Variants in KLHL28 observed in about 807,000 individuals in gnomAD.
KLHL28 encodes kelch like family member 28.
Under a neutral mutation model 48.3 loss-of-function variants are expected in KLHL28, and 22 were observed. The observed-to-expected ratio is 0.46, with a 90% CI of 0.33 to 0.65. The LOEUF is 0.65. Ranked by LOEUF, KLHL28 falls within the 30% of genes least tolerant of loss-of-function variation. The pLI is 0.03. For synonymous variants in KLHL28, 243 were observed against 242.4 expected (o/e 1.00, Z -0.02); for missense variants, 527 against 704.3 (o/e 0.75, Z 2.85).
chr14:44,943,878 A>G (rs1426760541), intron 2 of KLHL28, among the ~76,000 whole-genome samples: 2 of 151,980 alleles, frequency 1.3e-5, no homozygotes, highest in Non-Finnish European at 2.9e-5. Flanking sequence ...CCACTCCCAG[A>G]TAATATTTTA....
At chr14:44,936,906 C>A (rs1474670098) in intron 2 of KLHL28, among the ~76,000 whole-genome samples, 1 of 152,076 alleles carries the variant, frequency 6.6e-6, no homozygotes, top group African/African-American at 2.4e-5. Context: ...GATGAAGAAT[C>A]CTGAAAGGGA....
intron 2 of KLHL28, among the ~76,000 whole-genome samples, chr14:44,936,479 G>C (rs926731960): frequency 6.6e-6 from 1 of 152,156 alleles, no homozygotes; most frequent in African/African-American, 2.4e-5. Context: ...GGGAAGATGA[G>C]GTAGTTCTCT....
At chr14:44,937,564 G>A (rs140044612) in intron 2 of KLHL28, among the ~76,000 whole-genome samples, 1,675 of 152,336 alleles carry the variant, frequency 0.011, 8 homozygotes, top group Non-Finnish European at 0.018. Context: ...TTATCTGTAA[G>A]TTATGGATTT....
chr14:44,952,557 A>G (rs906808110), intron 1 of KLHL28, among the ~76,000 whole-genome samples: 2 of 152,204 alleles, frequency 1.3e-5, no homozygotes, highest in East Asian at 1.9e-4. Flanking sequence ...GGATCTCACT[A>G]TGTTGCCCAG....
At chr14:44,931,590 T>C in intron 3 of KLHL28, 49 bp from the exon 4 acceptor site, 1 of 1,460,470 alleles carries the variant, frequency 6.8e-7, no homozygotes, top group Non-Finnish European at 9.4e-7. Context: ...TGTGTCATTC[T>C]TCCTGTCAAA....
chr14:44,934,879 CTATTA>C (rs1245937717), intron 2 of KLHL28, among the ~76,000 whole-genome samples: 2 of 152,090 alleles, frequency 1.3e-5, no homozygotes, highest in African/African-American at 4.8e-5. Flanking sequence ...TTCTGAATGT[CTATTA>C]TAATTTTGCA....
intron 1 of KLHL28, among the ~76,000 whole-genome samples, chr14:44,951,091 A>G (rs976250089): frequency 6.6e-6 from 1 of 152,246 alleles, no homozygotes; most frequent in Non-Finnish European, 1.5e-5. Context: ...ATGGTAACAC[A>G]AAAAAGGGGC....
At chr14:44,942,303 A>T (rs1228230251) in intron 2 of KLHL28, among the ~76,000 whole-genome samples, 1 of 152,132 alleles carries the variant, frequency 6.6e-6, no homozygotes, top group African/African-American at 2.4e-5. Flanking sequence ...TTACTCTGTT[A>T]AAACATTTTT....
chr14:44,948,116 C>A (rs1477768737), intron 1 of KLHL28, among the ~76,000 whole-genome samples: 3 of 152,096 alleles, frequency 2.0e-5, no homozygotes, highest in Non-Finnish European at 4.4e-5. Flanking sequence ...GAATGAATAA[C>A]AGGAAAGGCA....
Position 44,945,641 on chromosome 14 carries a change from C to T in KLHL28, c.288G>A (p.Gly96=). 6.2e-7 allele frequency: 1 copy of T among 1,614,130 alleles called. No homozygotes were observed. The highest frequency in any genetic ancestry group is 1.1e-5 in the South Asian group (1 of 91,068). Residue 96 remains glycine (G), a synonymous_variant, in exon 2 of 5, where the codon GGG becomes GGA. Transcript: ENST00000396128. ...LQAIVEYAYT[G]TVFISQDTVE... is the part of the protein sequence containing the mutation. ...CTGTGTCCTGAGAAATAAAAACAGT[C>T]CCTGTATAGGCATACTCCACAATGG...
chr14:44,944,973 C>T (rs1221603378), intron 2 of KLHL28, 57 bp downstream of exon 2: 4 of 1,216,768 alleles, frequency 3.3e-6, no homozygotes, highest in Admixed American at 2.5e-5. Flanking sequence ...AAAATCTGCA[C>T]ATTTAAAAAG....
intron 1 of KLHL28, among the ~76,000 whole-genome samples, chr14:44,949,096 C>A (rs1884466278): frequency 6.6e-6 from 1 of 152,028 alleles, no homozygotes; most frequent in Non-Finnish European, 1.5e-5. Context: ...AATTATGTTT[C>A]AAGATATTTA....
intron 1 of KLHL28, among the ~76,000 whole-genome samples, chr14:44,955,811 G>C (rs1391668216): frequency 1.3e-5 from 2 of 151,844 alleles, no homozygotes; most frequent in Admixed American, 6.6e-5. Flanking sequence ...ATACATCCTA[G>C]GTAGCAAGAA....
chr14:44,927,106 A>G lies in KLHL28; in HGVS notation c.*1922T>C, dbSNP rs1883398640. The G allele has an allele frequency of 1.3e-5, 2 of 152,624 alleles. No homozygotes were observed. Among genetic ancestry groups the G allele is most frequent in the Non-Finnish European group, 2.9e-5 (2 of 68,014 alleles). 9.5% of individuals were successfully genotyped at this position (152,624 alleles called of 1,614,324 possible). On this transcript the variant is annotated 3_prime_UTR_variant, in exon 5 of 5. Coordinates refer to ENST00000396128, the MANE Select transcript of KLHL28 (RefSeq NM_017658.5). ...CAACATAGAAAATACTCAGACTATCAATTGTTATTAGTTGCTCCTGTTGAG... is the reference window on the plus strand; with the variant it reads ...CAACATAGAAAATACTCAGACTATCGATTGTTATTAGTTGCTCCTGTTGAG...
In KLHL28 at chr14:44,928,080, T is replaced by C. The variant is rs1054055918; in HGVS notation, c.*948A>G. 1.3e-5 allele frequency: 2 copies of C among 152,730 alleles called. No individual in the cohort carries two copies. Among genetic ancestry groups the C allele is most frequent in the Admixed American group, 1.3e-4 (2 of 15,290 alleles). 9.5% of individuals were successfully genotyped at this position (152,730 alleles called of 1,614,324 possible). On this transcript the variant is annotated 3_prime_UTR_variant, in exon 5 of 5. Coordinates refer to ENST00000396128, the MANE Select transcript of KLHL28 (RefSeq NM_017658.5). Reference sequence around the variant, plus strand: ...ATCCAAAAGGACATCAGTTATAGCCTTGTTATAAATCCTACAGTTAGCACC... The same window carrying C: ...ATCCAAAAGGACATCAGTTATAGCCCTGTTATAAATCCTACAGTTAGCACC...
At chr14:44,944,892 G>C (rs1411090049) in intron 2 of KLHL28, 138 bp downstream of exon 2, 1 of 625,108 alleles carries the variant, frequency 1.6e-6, no homozygotes, top group African/African-American at 1.8e-5. Flanking sequence ...AAGTATTTTA[G>C]GAAGAAGAAA....
chr14:44,927,029 T>C lies in KLHL28; in HGVS notation c.*1999A>G, dbSNP rs1034541231. On this transcript the variant is annotated 3_prime_UTR_variant, in exon 5 of 5. Coordinates refer to ENST00000396128, the MANE Select transcript of KLHL28 (RefSeq NM_017658.5). ...CACCTATTTCTATGCAATAGATTTA[T>C]TCAAATCAATGAAAAAGTTATTGCT... 5 of 152,636 alleles carry C rather than the reference T, an allele frequency of 3.3e-5. No individual in the cohort carries two copies. Among genetic ancestry groups the C allele is most frequent in the Non-Finnish European group, 7.4e-5 (5 of 68,020 alleles). 9.5% of individuals were successfully genotyped at this position (152,636 alleles called of 1,614,324 possible).
At chr14:44,941,985 T>C (rs915450476) in intron 2 of KLHL28, among the ~76,000 whole-genome samples, 5 of 152,248 alleles carry the variant, frequency 3.3e-5, no homozygotes, top group African/African-American at 9.6e-5. Flanking sequence ...ATAGTTTTAA[T>C]TCATACCTCT....
intron 3 of KLHL28, among the ~76,000 whole-genome samples, chr14:44,932,269 C>T (rs1401215480): frequency 6.7e-6 from 1 of 148,228 alleles, no homozygotes. Flanking sequence ...GGGAGAAAAA[C>T]CTTTATTTTT....
Sources: allele counts gnomAD v4.1 joint callset (sites outside exome capture counted in the v4.1 genomes callset), GRCh38; gene constraint gnomAD v4.1.1; transcripts MANE v1.5; gene names NCBI Gene and HGNC (gene_info 2026-07-23, HGNC 2026-07-21).